The following KIF21A variants were observed in gnomAD, a reference collection of about 807,000 sequenced individuals.
The protein encoded by KIF21A is kinesin family member 21A.
In KIF21A, 114 loss-of-function variants were observed where a neutral mutation model predicts 202.9. The ratio of observed to expected loss-of-function variants is 0.56; its 90% CI spans 0.48 to 0.66. The LOEUF (loss-of-function observed/expected upper bound fraction) is 0.66, where lower values mean the gene tolerates loss of function less well. KIF21A is among the 30% of genes least tolerant of loss of function. The probability of loss-of-function intolerance (pLI) is 0.00; values close to 1 mark genes in which losing one functional copy is unlikely to be tolerated. For missense variants in KIF21A, 1,677 were observed against 1,994.9 expected, an observed-to-expected ratio of 0.84 and a Z score of 3.04; for synonymous variants, 667 against 670.8, an observed-to-expected ratio of 0.99 and a Z score of 0.09.
Position 39,361,587 on chromosome 12 carries a change from T to TCTCCGCTCTCTGCAAG in KIF21A, c.1019+1510_1019+1511insCTTGCAGAGAGCGGAG, listed in dbSNP as rs200302183. Among the ~76,000 whole-genome samples the TCTCCGCTCTCTGCAAG allele has an allele frequency of 2.5e-3, 283 of 114,958 alleles. 3 individuals are homozygous for TCTCCGCTCTCTGCAAG. The highest frequency in any genetic ancestry group is 4.4e-3 in the Middle Eastern group (1 of 226). The allele number at this position is 114,958 out of a possible 152,430, so 75.4% of individuals were successfully genotyped here. On this transcript the variant is annotated intron_variant, in intron 7 of 37. Transcript: ENST00000361418. ...CCCAGGATGGAGTGCAGTGGCACGA[T>TCTCCGCTCTCTGCAAG]CTCCGCCTCCTGGGTTCACGCCATT... is the stretch of plus-strand genomic sequence containing the variant.
At chr12:39,326,378 G>T (rs770839779) in intron 24 of KIF21A, 54 bp from the exon 25 acceptor site, 1 of 1,220,956 alleles carries the variant, frequency 8.2e-7, no homozygotes, top group South Asian at 1.2e-5. Flanking sequence ...AGTTTGAATG[G>T]TGACTGCAAT....
chr12:39,419,531 T>C (rs1441762228), intron 1 of KIF21A, among the ~76,000 whole-genome samples: 1 of 152,184 alleles, frequency 6.6e-6, no homozygotes, highest in Non-Finnish European at 1.5e-5. Flanking sequence ...AATACTCGCA[T>C]TTACGTCAAG....
intron 1 of KIF21A, among the ~76,000 whole-genome samples, chr12:39,373,609 C>T (rs998412382): frequency 4.6e-5 from 7 of 152,156 alleles, no homozygotes; most frequent in Non-Finnish European, 2.9e-5. Flanking sequence ...TGGGCTACTA[C>T]TTAATATCAG....
At chr12:39,391,076 A>AGTCTCAGTGTAT (rs1307860502) in intron 1 of KIF21A, among the ~76,000 whole-genome samples, 3 of 152,232 alleles carry the variant, frequency 2.0e-5, no homozygotes, top group African/African-American at 7.2e-5. Context: ...TGAAGTCAGG[A>AGTCTCAGTGTAT]TAGAAGGAGC....
Position 39,358,365 on chromosome 12 carries a change from A to G in KIF21A, c.1028T>C (p.Ile343Thr), listed in dbSNP as rs771443337. ...TGAAGGGCTGACACATGCTATCATGATTGTTTGGCTGAAAGTTACAAATAA... is the reference window on the plus strand; with the variant it reads ...TGAAGGGCTGACACATGCTATCATGGTTGTTTGGCTGAAAGTTACAAATAA... Reference protein sequence around the residue: ...QDSLGGNSQTIMIACVSPSDR... With the variant: ...QDSLGGNSQTTMIACVSPSDR... The change falls in exon 8 of 38, where the codon ATC (isoleucine) becomes ACC (threonine). Residue 343 changes from isoleucine (I) to threonine (T), a missense_variant. Around this residue, in one of 3 missense-constraint regions of KIF21A, gnomAD observed 966 missense variants for 1,180.9 expected, o/e 0.82. Coordinates refer to ENST00000361418, the MANE Select transcript of KIF21A (RefSeq NM_001173464.2). 4.3e-6 allele frequency: 7 copies of G among 1,613,982 alleles called. No individual in the cohort carries two copies. Among genetic ancestry groups the G allele is most frequent in the Non-Finnish European group, 5.9e-6 (7 of 1,179,890 alleles).
chr12:39,368,657 C>A (rs377220856), intron 3 of KIF21A, among the ~76,000 whole-genome samples: 1 of 151,490 alleles, frequency 6.6e-6, no homozygotes, highest in African/African-American at 2.4e-5. Flanking sequence ...CTTTTTCCAC[C>A]ATCATTTACT....
intron 1 of KIF21A, among the ~76,000 whole-genome samples, chr12:39,407,733 A>C (rs1259126503): frequency 6.6e-6 from 1 of 151,992 alleles, no homozygotes; most frequent in Non-Finnish European, 1.5e-5. Context: ...ATATTCCCCT[A>C]CTCAATTTCT....
intron 1 of KIF21A, among the ~76,000 whole-genome samples, chr12:39,375,192 C>G (rs559038218): frequency 2.0e-5 from 3 of 152,108 alleles, no homozygotes; most frequent in Admixed American, 6.6e-5. Flanking sequence ...GCCAAGAAGA[C>G]ATGTTTTGAG....
At chr12:39,435,579 C>T (rs2140417399) in intron 1 of KIF21A, among the ~76,000 whole-genome samples, 1 of 152,192 alleles carries the variant, frequency 6.6e-6, no homozygotes, top group African/African-American at 2.4e-5. Context: ...TGAAGTAACA[C>T]TCAAAAGGAG....
chr12:39,305,825 A>C (rs780662731), intron 34 of KIF21A, among the ~76,000 whole-genome samples: 1 of 152,250 alleles, frequency 6.6e-6, no homozygotes, highest in Non-Finnish European at 1.5e-5. Flanking sequence ...TGATGTAATT[A>C]CAAAATCAGT....
chr12:39,330,087 G>A, intron 24 of KIF21A, 155 bp downstream of exon 24: 1 of 648,108 alleles, frequency 1.5e-6, no homozygotes, highest in Middle Eastern at 2.7e-4. Context: ...AAGACTTAGT[G>A]TGTTTGTGGG....
intron 1 of KIF21A, among the ~76,000 whole-genome samples, chr12:39,403,779 G>C (rs1034715080): frequency 6.6e-6 from 1 of 152,092 alleles, no homozygotes; most frequent in Non-Finnish European, 1.5e-5. Flanking sequence ...AAAATATCTA[G>C]AATACTTTCA....
chr12:39,359,409 A>G (rs1002405662), intron 7 of KIF21A, among the ~76,000 whole-genome samples: 1 of 152,112 alleles, frequency 6.6e-6, no homozygotes, highest in African/African-American at 2.4e-5. Flanking sequence ...TATAGACCCC[A>G]AAACTCTTAG....
At chr12:39,360,012 G>A (rs1260402604) in intron 7 of KIF21A, among the ~76,000 whole-genome samples, 1 of 152,078 alleles carries the variant, frequency 6.6e-6, no homozygotes, top group East Asian at 1.9e-4. Context: ...TGGAAAGAAG[G>A]GAAGGACTCG....
intron 20 of KIF21A, 62 bp from the exon 21 acceptor site, chr12:39,332,470 C>A (rs1327566904): frequency 6.0e-6 from 9 of 1,506,556 alleles, no homozygotes; most frequent in Non-Finnish European, 8.3e-6. Flanking sequence ...ACAGTACCAT[C>A]AAACCCCCCC....
intron 16 of KIF21A, among the ~76,000 whole-genome samples, chr12:39,338,230 T>C (rs115711340): frequency 0.011 from 1,661 of 152,168 alleles, 38 homozygotes; most frequent in African/African-American, 0.036. Context: ...GTTTTAGTTT[T>C]AACAAAAAAG....
At chr12:39,439,712 T>A (rs374321695) in intron 1 of KIF21A, among the ~76,000 whole-genome samples, 162 of 152,324 alleles carry the variant, frequency 1.1e-3, no homozygotes, top group African/African-American at 3.6e-3. Flanking sequence ...GCAAGGGCTG[T>A]TATCCAAATC....
intron 35 of KIF21A, 86 bp downstream of exon 35, chr12:39,304,735 A>G: frequency 1.3e-6 from 1 of 752,864 alleles, no homozygotes; most frequent in Admixed American, 2.1e-5. Context: ...AAAAGAAAAT[A>G]AGAGAAAGAG....
At chr12:39,399,934 A>G (rs899752041) in intron 1 of KIF21A, among the ~76,000 whole-genome samples, 2 of 152,236 alleles carry the variant, frequency 1.3e-5, no homozygotes, top group Non-Finnish European at 2.9e-5. Context: ...TTTACATCTT[A>G]CTGAAATTAA....
Sources: gnomAD v4.1 joint callset for allele counts (sites outside exome capture counted in the v4.1 genomes callset) on GRCh38, gnomAD v4.1.1 for gene constraint, gnomAD v4.1.1 regional missense constraint, MANE v1.5 for transcripts, NCBI Gene and HGNC (gene_info 2026-07-23, HGNC 2026-07-21) for gene names.